Variants in NUMA1 observed in about 807,000 individuals in gnomAD.
The protein encoded by NUMA1 is nuclear mitotic apparatus protein 1, also known as SP-H antigen.
Under a neutral mutation model 237.1 loss-of-function variants are expected in NUMA1, and 62 were observed. The ratio of observed to expected loss-of-function variants is 0.26; its 90% CI spans 0.21 to 0.32. The LOEUF is 0.32. Ranked by LOEUF, NUMA1 falls within the 10% of genes least tolerant of loss-of-function variation. NUMA1 has a pLI of 1.00. For missense variants in NUMA1, 2,533 were observed against 2,666.5 expected, an observed-to-expected ratio of 0.95 and a Z score of 1.10; for synonymous variants, 1,028 against 1,066.1, an observed-to-expected ratio of 0.96 and a Z score of 0.70.
intron 2 of NUMA1, among the ~76,000 whole-genome samples, chr11:72,062,160 G>A (rs963449073): frequency 3.9e-5 from 6 of 152,080 alleles, no homozygotes; most frequent in Non-Finnish European, 8.8e-5. Flanking sequence ...GTTCCTATAC[G>A]GCAGGCAGGA....
At position 72,005,821 on chromosome 11, in the gene NUMA1, C is replaced by G; in HGVS notation, c.5692+214G>C. ...TCACAATTGTGCTGGGAATCCCGGG[C>G]CCTTAACTCTGGCTAAGAGTGCCCC... On this transcript the variant is annotated intron_variant, in intron 22 of 26. Transcript: ENST00000393695. The G allele has an allele frequency of 5.2e-6, 3 of 576,010 alleles. No individual in the cohort carries two copies. The South Asian group carries it at 6.8e-5, about 13-fold the overall frequency. 35.7% of individuals were successfully genotyped at this position (576,010 alleles called of 1,614,324 possible).
chr11:72,035,327 C>G (rs538995575), intron 3 of NUMA1, among the ~76,000 whole-genome samples: 2 of 152,034 alleles, frequency 1.3e-5, no homozygotes, highest in African/African-American at 2.4e-5. Flanking sequence ...GTGATGAGAA[C>G]CTTGTCCTAG....
At chr11:72,048,505 G>A (rs1942133018) in intron 2 of NUMA1, among the ~76,000 whole-genome samples, 1 of 152,118 alleles carries the variant, frequency 6.6e-6, no homozygotes, top group African/African-American at 2.4e-5. Flanking sequence ...CCGAGTAGCT[G>A]GGATTACAGG....
intron 20 of NUMA1, chr11:72,008,483 G>A (rs1955907098): frequency 1.7e-6 from 1 of 597,876 alleles, no homozygotes; most frequent in African/African-American, 1.8e-5. Context: ...GACTCAGCAG[G>A]AGCGATAGCT....
intron 2 of NUMA1, among the ~76,000 whole-genome samples, chr11:72,037,038 G>A (rs1941103805): frequency 6.6e-6 from 1 of 152,202 alleles, no homozygotes; most frequent in Non-Finnish European, 1.5e-5. Flanking sequence ...CCAGTCTCAT[G>A]TATGCAAGTT....
At chr11:72,057,375 T>C (rs1942711810) in intron 2 of NUMA1, among the ~76,000 whole-genome samples, 1 of 152,222 alleles carries the variant, frequency 6.6e-6, no homozygotes, top group South Asian at 2.1e-4. Flanking sequence ...ATTAATTCCA[T>C]ATTAAAACTC....
At chr11:72,011,540 G>A (rs1956163785) in intron 16 of NUMA1, among the ~76,000 whole-genome samples, 1 of 152,206 alleles carries the variant, frequency 6.6e-6, no homozygotes, top group South Asian at 2.1e-4. Context: ...AGCATGACCA[G>A]GCAGCACAGG....
At chr11:72,079,593 C>T (rs557964249) in intron 1 of NUMA1, among the ~76,000 whole-genome samples, 3 of 151,950 alleles carry the variant, frequency 2.0e-5, no homozygotes, top group Non-Finnish European at 4.4e-5. Flanking sequence ...AAGAGAGTAC[C>T]CAGAGGCGGC....
rs773373258 is a variant in NUMA1, at chr11:72,014,655, C to G, written c.2848G>C (p.Glu950Gln). ...EPARAGDRQP[E>Q]WLEEQQGRQF... ...CGTCCCTGTTGCTCTTCCAGCCACTCGGGCTGTCTGTCTCCTGCCCTCGCA... is the reference window on the plus strand; with the variant it reads ...CGTCCCTGTTGCTCTTCCAGCCACTGGGGCTGTCTGTCTCCTGCCCTCGCA... The change falls in exon 15 of 27, where the codon GAG becomes CAG. Residue 950 changes from glutamate (E) to glutamine (Q), a missense_variant. Glu to Gln is a conservative substitution (Grantham distance 29). Transcript: ENST00000393695. The surrounding 1 kb of genome is among the most constrained non-coding windows in gnomAD (Gnocchi z 4.6). 15 of 1,612,468 alleles carry G rather than the reference C, an allele frequency of 9.3e-6. No homozygotes were observed. Among genetic ancestry groups the G allele is most frequent in the African/African-American group, 5.3e-5 (4 of 74,942 alleles).
chr11:72,032,902 C>CA (rs1330551162), intron 3 of NUMA1, among the ~76,000 whole-genome samples: 1 of 152,038 alleles, frequency 6.6e-6, no homozygotes, highest in Non-Finnish European at 1.5e-5. Context: ...ATTCAGAAGA[C>CA]AAAAAACAGA....
rs1009763926 is a variant in NUMA1 at position 72,013,219 on chromosome 11, T to C, written c.4284A>G (p.Ala1428=). The C allele has an allele frequency of 1.9e-6, 3 of 1,609,138 alleles. No individual in the cohort carries two copies. The highest frequency in any genetic ancestry group is 1.1e-5 in the South Asian group (1 of 91,084). Residue 1428 remains alanine (A), a synonymous_variant, in exon 15 of 27, where the codon GCA becomes GCG. Transcript: ENST00000393695. The surrounding 1 kb of genome is among the most constrained non-coding windows in gnomAD (Gnocchi z 6.8). ...EQERTAQQLR[A]EKASYAEQLS... is the part of the protein sequence containing the mutation. The stretch of plus-strand genomic sequence containing the variant: ...GCTGCTCTGCATAGCTGGCCTTCTC[T>C]GCCCGCAGCTGCTGAGCTGTTCGCT...
In NUMA1 at chr11:72,077,766, A is replaced by C. The variant is rs557807820; in HGVS notation, c.-103+2692T>G. Among the ~76,000 whole-genome samples the C allele has an allele frequency of 2.7e-5, 4 of 149,614 alleles. No individual in the cohort carries two copies. In the East Asian group the frequency reaches 7.9e-4, roughly 29 times the overall value. On this transcript the variant is annotated intron_variant, in intron 1 of 26. Coordinates refer to ENST00000393695, the MANE Select transcript of NUMA1 (RefSeq NM_006185.4). ...GAGGCGGAGCTTGCAGTGAGCCGAGACTGTGCCACTGCACTCCAGCCTGGG... is the reference window on the plus strand; with the variant it reads ...GAGGCGGAGCTTGCAGTGAGCCGAGCCTGTGCCACTGCACTCCAGCCTGGG...
At chr11:72,007,577 C>T in intron 20 of NUMA1, 142 bp from the exon 21 acceptor site, 1 of 1,062,164 alleles carries the variant, frequency 9.4e-7, no homozygotes, top group South Asian at 1.4e-5. Context: ...TCAGAGGTAC[C>T]AAGGAAAGCA....
rs1214685201 is a variant in NUMA1, at chr11:72,015,242, C to T, written c.2261G>A (p.Arg754Gln). 9.9e-6 allele frequency: 16 copies of T among 1,613,478 alleles called. No individual in the cohort carries two copies. Among genetic ancestry groups the T allele is most frequent in the East Asian group, 2.2e-5 (1 of 44,892 alleles). Residue 754 changes from arginine to glutamine, a missense_variant, in exon 15 of 27, where the codon CGA (arginine) becomes CAA (glutamine). Transcript: ENST00000393695. This position sits in a 1 kb window ranked among gnomAD's most constrained non-coding sequence, Gnocchi z 4.0. ...RSLVEQHKRE[R>Q]KELEEERAGR... ...AGCCCTCTCTTCTTCCAGCTCCTTT[C>T]GTTCCCGCTTATGCTGCTCCACCAG...
chr11:72,018,611 C>T (rs865883098), intron 10 of NUMA1, 98 bp from the exon 11 acceptor site: 36 of 1,112,200 alleles, frequency 3.2e-5, no homozygotes, highest in Middle Eastern at 2.6e-4. Context: ...AGGGAGGAGA[C>T]GGCATAGGGA....
intron 4 of NUMA1, among the ~76,000 whole-genome samples, chr11:72,025,054 C>T (rs953051042): frequency 1.3e-5 from 2 of 152,140 alleles, no homozygotes; most frequent in African/African-American, 2.4e-5. Flanking sequence ...TGGACCACCA[C>T]GCCCGGCTAA....
At chr11:72,033,179 T>C (rs930206881) in intron 3 of NUMA1, among the ~76,000 whole-genome samples, 8 of 152,158 alleles carry the variant, frequency 5.3e-5, no homozygotes, top group African/African-American at 1.9e-4. Flanking sequence ...AGAGACAGGC[T>C]CTTGCTATGT....
chr11:72,026,020 A>C (rs1422179344), intron 4 of NUMA1, among the ~76,000 whole-genome samples: 1 of 152,224 alleles, frequency 6.6e-6, no homozygotes, highest in East Asian at 1.9e-4. Context: ...TGCTGGGTTA[A>C]ACTGAACATT....
chr11:72,003,861 C>T (rs1175499883), intron 26 of NUMA1, 26 bp downstream of exon 26: 2 of 1,610,972 alleles, frequency 1.2e-6, no homozygotes, highest in Non-Finnish European at 1.7e-6. Context: ...TCGGGTTTCC[C>T]TCCCCCATCC....
Sources: gnomAD v4.1 joint callset for allele counts (sites outside exome capture counted in the v4.1 genomes callset) on GRCh38, gnomAD v4.1.1 for gene constraint, Gnocchi (gnomAD v3.1) non-coding constraint, MANE v1.5 for transcripts, NCBI Gene and HGNC (gene_info 2026-07-23, HGNC 2026-07-21) for gene names.